Variants in TMPRSS12 observed in about 807,000 individuals in gnomAD.
The protein encoded by TMPRSS12 is transmembrane protease serine 12.
A neutral mutation model predicts 26.0 loss-of-function variants in TMPRSS12; 25 were observed. The observed-to-expected ratio is 0.96, with a 90% CI of 0.70 to 1.34. The LOEUF (loss-of-function observed/expected upper bound fraction) is 1.34, where lower values mean the gene tolerates loss of function less well. Among genes scored for constraint, TMPRSS12 ranks in the 40% most tolerant of loss-of-function variants. TMPRSS12 has a pLI of 0.00. For synonymous variants in TMPRSS12, 150 were observed against 161.7 expected (o/e 0.93, Z 0.55); for missense variants, 441 against 440.1 (o/e 1.00, Z -0.02).
chr12:50,842,939 C>T lies in TMPRSS12; in HGVS notation c.-26C>T. On this transcript the variant is annotated 5_prime_UTR_variant, in exon 1 of 5. Coordinates refer to ENST00000398458, the MANE Select transcript of TMPRSS12 (RefSeq NM_182559.3). ...CCCAGGGCGGGTGGGAAGTACCTGCCGCCATCTTGCTCACCAGCCTCCAAA... is the reference window on the plus strand; with the variant it reads ...CCCAGGGCGGGTGGGAAGTACCTGCTGCCATCTTGCTCACCAGCCTCCAAA... 1 of 1,547,594 alleles carries T rather than the reference C, an allele frequency of 6.5e-7. No individual in the cohort carries two copies. Among genetic ancestry groups the T allele is most frequent in the Non-Finnish European group, 8.8e-7 (1 of 1,142,430 alleles).
At chr12:50,867,087 CA>C (rs1937998260) in intron 3 of TMPRSS12, among the ~76,000 whole-genome samples, 1 of 152,052 alleles carries the variant, frequency 6.6e-6, no homozygotes, top group Non-Finnish European at 1.5e-5. Context: ...TAACACTCCC[CA>C]AAAAATCACA....
chr12:50,845,219 C>G (rs1051350856), intron 2 of TMPRSS12, among the ~76,000 whole-genome samples: 2 of 152,206 alleles, frequency 1.3e-5, no homozygotes. Context: ...CATGCCAAAT[C>G]CAATGACTTC....
chr12:50,871,984 C>T (rs1938047636), intron 3 of TMPRSS12, among the ~76,000 whole-genome samples: 1 of 151,778 alleles, frequency 6.6e-6, no homozygotes, highest in African/African-American at 2.4e-5. Context: ...TGCTTCTACA[C>T]TGCTGGTGGG....
At chr12:50,886,425 C>G (rs571947691) in intron 4 of TMPRSS12, 1 of 152,234 alleles carries the variant, frequency 6.6e-6, no homozygotes, top group Non-Finnish European at 1.5e-5. Flanking sequence ...ATGCTCTCAC[C>G]TTTTCCTACT....
intron 2 of TMPRSS12, among the ~76,000 whole-genome samples, chr12:50,853,184 A>T (rs1223472440): frequency 6.6e-6 from 1 of 152,176 alleles, no homozygotes; most frequent in African/African-American, 2.4e-5. Context: ...TCTCAAAACC[A>T]TATAATAACA....
intron 3 of TMPRSS12, among the ~76,000 whole-genome samples, chr12:50,881,075 G>A (rs113808534): frequency 0.043 from 6,041 of 139,974 alleles, 435 homozygotes; most frequent in African/African-American, 0.15. Context: ...TCTGCCTCCC[G>A]GGTTCAAGCA....
chr12:50,872,542 A>ATT (rs1193497174), intron 3 of TMPRSS12, among the ~76,000 whole-genome samples: 43 of 125,322 alleles, frequency 3.4e-4, no homozygotes, highest in Non-Finnish European at 5.8e-4. Context: ...AAAAAAAAAA[A>ATT]GGAACTGTGA....
At chr12:50,863,402 G>A (rs1937957066) in intron 3 of TMPRSS12, among the ~76,000 whole-genome samples, 1 of 151,754 alleles carries the variant, frequency 6.6e-6, no homozygotes, top group South Asian at 2.1e-4. Context: ...CTTACCATAT[G>A]ACCCAGCAAT....
chr12:50,849,627 C>T (rs1287743098), intron 2 of TMPRSS12, among the ~76,000 whole-genome samples: 8 of 151,798 alleles, frequency 5.3e-5, no homozygotes, highest in Admixed American at 4.6e-4. Context: ...TAAAGAGAGT[C>T]ATGCAATGTA....
chr12:50,862,805 G>A (rs1249764007), intron 3 of TMPRSS12, among the ~76,000 whole-genome samples: 1 of 152,012 alleles, frequency 6.6e-6, no homozygotes, highest in African/African-American at 2.4e-5. Flanking sequence ...AGGACTACAG[G>A]CGTGAGCCCC....
intron 2 of TMPRSS12, among the ~76,000 whole-genome samples, chr12:50,857,163 A>T (rs1937886267): frequency 6.6e-6 from 1 of 152,216 alleles, no homozygotes; most frequent in Non-Finnish European, 1.5e-5. Flanking sequence ...TAAACTGTGA[A>T]ATAGCCTTTT....
chr12:50,843,456 T>C (rs766689680), intron 1 of TMPRSS12, among the ~76,000 whole-genome samples: 1 of 152,192 alleles, frequency 6.6e-6, no homozygotes, highest in Non-Finnish European at 1.5e-5. Flanking sequence ...TTTCATACTA[T>C]AGTTGAGAAA....
Position 50,858,765 on chromosome 12 carries a change from G to C in TMPRSS12, c.384-20G>C. On this transcript the variant is annotated intron_variant, in intron 2 of 4. Transcript: ENST00000398458. The stretch of plus-strand genomic sequence containing the variant: ...AGTTAATTAAAGATATTTATAATAA[G>C]AATGTTTACTTTCTTTCAGCGATCC... 1 of 1,483,506 alleles carries C rather than the reference G, an allele frequency of 6.7e-7. No individual in the cohort carries two copies. The highest frequency in any genetic ancestry group is 2.4e-4 in the Middle Eastern group (1 of 4,158). The allele number at this position is 1,483,506 out of a possible 1,614,324, so 91.9% of individuals were successfully genotyped here.
chr12:50,881,246 G>A (rs1163186439), intron 3 of TMPRSS12, among the ~76,000 whole-genome samples: 2 of 152,040 alleles, frequency 1.3e-5, no homozygotes, highest in African/African-American at 4.8e-5. Flanking sequence ...GCCTCCCAAA[G>A]TGCTGGAATT....
At chr12:50,849,848 G>C (rs1937808611) in intron 2 of TMPRSS12, among the ~76,000 whole-genome samples, 1 of 151,960 alleles carries the variant, frequency 6.6e-6, no homozygotes, top group Non-Finnish European at 1.5e-5. Flanking sequence ...ATTACCAATA[G>C]AAGGCACAGA....
chr12:50,882,033 A>T (rs1438854709), intron 3 of TMPRSS12, among the ~76,000 whole-genome samples: 2 of 115,486 alleles, frequency 1.7e-5, no homozygotes, highest in African/African-American at 3.2e-5. Context: ...ATATATATAT[A>T]TATATATATG....
intron 1 of TMPRSS12, 146 bp downstream of exon 1, chr12:50,843,297 G>A: frequency 2.9e-6 from 2 of 697,190 alleles, no homozygotes; most frequent in Non-Finnish European, 4.5e-6. Context: ...TAGACCGGCT[G>A]TAATAACAGT....
At position 50,844,041 on chromosome 12, in the gene TMPRSS12, C is replaced by T. The variant is rs777079955; in HGVS notation, c.383+4C>T. ...CCCACTGCACTAAAGACGCTAGGTA[C>T]GTATTCAGAACACAACTATTTTTAT... is the stretch of plus-strand genomic sequence containing the variant. On this transcript the variant is annotated splice_donor_region_variant and intron_variant, in intron 2 of 4. Transcript: ENST00000398458. 1.3e-6 allele frequency: 2 copies of T among 1,539,402 alleles called. No individual in the cohort carries two copies. Among genetic ancestry groups the T allele is most frequent in the African/African-American group, 1.4e-5 (1 of 72,384 alleles).
intron 2 of TMPRSS12, among the ~76,000 whole-genome samples, chr12:50,854,312 C>G (rs1289750624): frequency 1.3e-5 from 2 of 152,090 alleles, no homozygotes; most frequent in Non-Finnish European, 2.9e-5. Flanking sequence ...GAACATACCT[C>G]AAAATAATAA....
Sources: gnomAD v4.1 joint callset for allele counts (sites outside exome capture counted in the v4.1 genomes callset) on GRCh38, gnomAD v4.1.1 for gene constraint, MANE v1.5 for transcripts, NCBI Gene and HGNC (gene_info 2026-07-23, HGNC 2026-07-21) for gene names.